Variants in PTPN4 observed in about 807,000 individuals in gnomAD.
PTPN4 encodes tyrosine-protein phosphatase non-receptor type 4.
PTPN4 carries 49 observed loss-of-function variants against 135.5 expected under a neutral mutation model. The ratio of observed to expected loss-of-function variants is 0.36; its 90% CI spans 0.29 to 0.46. The LOEUF is 0.46. Among genes scored for constraint, PTPN4 ranks in the 20% least tolerant of loss-of-function variants. The probability of loss-of-function intolerance (pLI) is 1.00; values close to 1 mark genes in which losing one functional copy is unlikely to be tolerated. For missense variants in PTPN4, 860 were observed against 1,101.0 expected (o/e 0.78, Z 3.10); for synonymous variants, 333 against 369.9 (o/e 0.90, Z 1.14).
intron 15 of PTPN4, among the ~76,000 whole-genome samples, chr2:119,941,846 C>G (rs533548458): frequency 6.6e-6 from 1 of 152,216 alleles, no homozygotes; most frequent in Admixed American, 6.5e-5. Flanking sequence ...AGAGGTTATT[C>G]TCAAATACCT....
Position 119,978,561 on chromosome 2 carries a change from G to T in PTPN4, c.*1491G>T, listed in dbSNP as rs942762316. 6.6e-6 allele frequency: 1 copy of T among 152,224 alleles called. No individual in the cohort carries two copies. The highest frequency in any genetic ancestry group is 2.1e-4 in the South Asian group (1 of 4,824). The allele number at this position is 152,224 out of a possible 1,614,324, so 9.4% of individuals were successfully genotyped here. A position where few individuals can be genotyped will look rare whatever the true frequency, so the allele number is the denominator to read the frequency against. On this transcript the variant is annotated 3_prime_UTR_variant, in exon 27 of 27. Transcript: ENST00000263708. Reference sequence around the variant, plus strand: ...TCCCATTAAGGATGTGGGAATTCCCGTATTTTCCTCTTCAGGTTTTTTTGT... The same window carrying T: ...TCCCATTAAGGATGTGGGAATTCCCTTATTTTCCTCTTCAGGTTTTTTTGT...
At position 119,977,161 on chromosome 2, in the gene PTPN4, CA is replaced by C. The variant is rs554190572; in HGVS notation, c.*101del. On this transcript the variant is annotated 3_prime_UTR_variant, in exon 27 of 27. Transcript: ENST00000263708. ...GCTGCTCGCAGGAAATGGCATTTTA[CA>C]AAAAAAAAATGAAGAACTCAAAAAA... 1,578 of 1,239,602 alleles carry C rather than the reference CA, an allele frequency of 1.3e-3. No individual in the cohort carries two copies. Among genetic ancestry groups the C allele is most frequent in the South Asian group, 4.1e-3 (176 of 42,490 alleles). 76.8% of individuals were successfully genotyped at this position (1,239,602 alleles called of 1,614,324 possible).
intron 26 of PTPN4, among the ~76,000 whole-genome samples, chr2:119,973,367 A>G (rs1679564378): frequency 6.6e-6 from 1 of 151,998 alleles, no homozygotes; most frequent in Non-Finnish European, 1.5e-5. Context: ...AACATACCAC[A>G]TTTTCTTTAT....
chr2:119,880,569 A>G (rs1678055952), intron 5 of PTPN4, among the ~76,000 whole-genome samples: 1 of 151,290 alleles, frequency 6.6e-6, no homozygotes, highest in East Asian at 1.9e-4. Context: ...AGCTGGGACT[A>G]CAGGTGCCTG....
intron 9 of PTPN4, among the ~76,000 whole-genome samples, chr2:119,888,045 T>A (rs999705518): frequency 3.9e-5 from 6 of 152,268 alleles, no homozygotes; most frequent in African/African-American, 1.4e-4. Flanking sequence ...AAATTTTTCA[T>A]CAGTGTTTTG....
chr2:119,878,474 C>G (rs574479839), intron 5 of PTPN4, among the ~76,000 whole-genome samples: 7 of 152,010 alleles, frequency 4.6e-5, no homozygotes, highest in Admixed American at 4.6e-4. Flanking sequence ...CTAAAATTAC[C>G]TATAGATGGG....
At chr2:119,819,355 C>G (rs1677033748) in intron 2 of PTPN4, among the ~76,000 whole-genome samples, 1 of 152,104 alleles carries the variant, frequency 6.6e-6, no homozygotes, top group Non-Finnish European at 1.5e-5. Context: ...GAGAATATTG[C>G]AATACCAGCT....
intron 26 of PTPN4, among the ~76,000 whole-genome samples, chr2:119,968,333 A>G (rs1354423747): frequency 6.6e-6 from 1 of 152,226 alleles, no homozygotes; most frequent in Non-Finnish European, 1.5e-5. Flanking sequence ...TGCCTGGCAT[A>G]TTAAATCTTG....
chr2:119,909,816 G>T (rs1044361101), intron 10 of PTPN4, among the ~76,000 whole-genome samples: 12 of 152,098 alleles, frequency 7.9e-5, no homozygotes, highest in African/African-American at 2.4e-4. Context: ...CTTTGAGGGG[G>T]TTAAGACTTC....
intron 16 of PTPN4, 144 bp from the exon 17 acceptor site, chr2:119,946,192 TTACTC>T (rs1260701698): frequency 4.7e-5 from 28 of 601,254 alleles, no homozygotes; most frequent in East Asian, 3.4e-4. Flanking sequence ...GTCAAAGAAT[TTACTC>T]TTCTGAACTA....
chr2:119,783,415 C>T (rs1318787249), intron 1 of PTPN4, among the ~76,000 whole-genome samples: 1 of 152,114 alleles, frequency 6.6e-6, no homozygotes, highest in Non-Finnish European at 1.5e-5. Context: ...CCTTGATTTT[C>T]TGGGGCAAGT....
At chr2:119,867,360 T>C (rs1427995329) in intron 3 of PTPN4, among the ~76,000 whole-genome samples, 1 of 152,004 alleles carries the variant, frequency 6.6e-6, no homozygotes, top group Non-Finnish European at 1.5e-5. Flanking sequence ...AGAAGATGAG[T>C]GCTAGAGATA....
rs1690447815 is a variant in PTPN4, at chr2:119,760,010, C to A, written c.-392C>A. 2 of 382,162 alleles carry A rather than the reference C, an allele frequency of 5.2e-6. No homozygotes were observed. The highest frequency in any genetic ancestry group is 4.2e-5 in the African/African-American group (2 of 47,950). 23.7% of individuals were successfully genotyped at this position (382,162 alleles called of 1,614,324 possible). On this transcript the variant is annotated 5_prime_UTR_variant, in exon 1 of 27. Coordinates refer to ENST00000263708, the MANE Select transcript of PTPN4 (RefSeq NM_002830.4). ...ATTGTTCTCTCAGGACTCCTGGGTCCCAGGGGCCGGAATTGGGCCTGAGCG... is the reference window on the plus strand; with the variant it reads ...ATTGTTCTCTCAGGACTCCTGGGTCACAGGGGCCGGAATTGGGCCTGAGCG...
intron 15 of PTPN4, among the ~76,000 whole-genome samples, chr2:119,943,710 C>A (rs866965442): frequency 6.6e-6 from 1 of 151,714 alleles, no homozygotes; most frequent in South Asian, 2.1e-4. Context: ...CTCAGCCCCC[C>A]CGAGTAGCTG....
intron 5 of PTPN4, among the ~76,000 whole-genome samples, chr2:119,879,373 A>G (rs549742650): frequency 6.6e-6 from 1 of 152,332 alleles, no homozygotes; most frequent in East Asian, 1.9e-4. Flanking sequence ...CAAGGAATTA[A>G]TTTGCTCTCA....
chr2:119,882,239 A>G lies in PTPN4; in HGVS notation c.466+90A>G, dbSNP rs894737733. On this transcript the variant is annotated intron_variant, in intron 7 of 26. Transcript: ENST00000263708. Reference sequence around the variant, plus strand: ...GCTTCAATGTGGGAGTTCTTTAGAAATGTTGCTATATAGAAAATAGTGACT... The same window carrying G: ...GCTTCAATGTGGGAGTTCTTTAGAAGTGTTGCTATATAGAAAATAGTGACT... The G allele has an allele frequency of 2.3e-6, 3 of 1,276,608 alleles. No homozygotes were observed. The African/African-American group carries it at 4.4e-5, about 19-fold the overall frequency. The allele number at this position is 1,276,608 out of a possible 1,614,324, so 79.1% of individuals were successfully genotyped here.
chr2:119,845,977 C>T (rs55824303), intron 2 of PTPN4, among the ~76,000 whole-genome samples: 31,481 of 152,072 alleles, frequency 0.21, 4,003 homozygotes, highest in South Asian at 0.33. Context: ...TATTTAATAT[C>T]GACATATTTG....
At position 119,965,512 on chromosome 2, in the gene PTPN4, C is replaced by T; in HGVS notation, c.2425C>T (p.Pro809Ser). Reference protein sequence around the residue: ...LFNQEKNESRPLTQIQYIAWP... With the variant: ...LFNQEKNESRSLTQIQYIAWP... ...TTGTTCTTAGAAAAATGAAAGTCGT[C>T]CACTCACTCAGATCCAGTACATAGC... Residue 809 changes from proline to serine, a missense_variant, in exon 25 of 27, where the codon CCA (proline) becomes TCA (serine). Coordinates refer to ENST00000263708, the MANE Select transcript of PTPN4 (RefSeq NM_002830.4). 16 of 1,602,152 alleles carry T rather than the reference C, an allele frequency of 1.0e-5. No individual in the cohort carries two copies. Among genetic ancestry groups the T allele is most frequent in the Non-Finnish European group, 1.4e-5 (16 of 1,176,588 alleles).
chr2:119,975,842 A>G (rs552483580), intron 26 of PTPN4, among the ~76,000 whole-genome samples: 1 of 152,150 alleles, frequency 6.6e-6, no homozygotes, highest in Admixed American at 6.5e-5. Flanking sequence ...TTATAATTAT[A>G]TGCTATATTT....
Sources: gnomAD v4.1 joint callset for allele counts (sites outside exome capture counted in the v4.1 genomes callset) on GRCh38, gnomAD v4.1.1 for gene constraint, MANE v1.5 for transcripts, NCBI Gene and HGNC (gene_info 2026-07-23, HGNC 2026-07-21) for gene names.